Variants in JAZF1 observed in about 807,000 individuals in gnomAD.
JAZF1 encodes juxtaposed with another zinc finger protein 1.
A neutral mutation model predicts 26.4 loss-of-function variants in JAZF1; 8 were observed. The observed-to-expected ratio is 0.30, with a 90% CI of 0.18 to 0.55. The LOEUF (loss-of-function observed/expected upper bound fraction) is 0.55, where lower values mean the gene tolerates loss of function less well. JAZF1 is among the 20% of genes least tolerant of loss of function. The pLI is 0.94. For synonymous variants in JAZF1, 126 were observed against 122.3 expected (o/e 1.03, Z -0.20); for missense variants, 199 against 322.0 (o/e 0.62, Z 2.92).
intron 3 of JAZF1, among the ~76,000 whole-genome samples, chr7:27,868,344 G>A (rs1783516898): frequency 6.6e-6 from 1 of 152,232 alleles, no homozygotes; most frequent in African/African-American, 2.4e-5. Flanking sequence ...GCCTGCTCCT[G>A]CAGATGCCGT....
intron 3 of JAZF1, among the ~76,000 whole-genome samples, chr7:27,867,439 G>A (rs933664258): frequency 2.6e-5 from 4 of 152,106 alleles, no homozygotes; most frequent in Non-Finnish European, 5.9e-5. Context: ...TTCACACTTC[G>A]TCCCATGGGG....
intron 2 of JAZF1, among the ~76,000 whole-genome samples, chr7:27,931,173 C>T (rs1784683965): frequency 6.6e-6 from 1 of 152,176 alleles, no homozygotes; most frequent in African/African-American, 2.4e-5. Context: ...ATATTTTAGG[C>T]TTTGTGGGCC....
At chr7:28,106,432 A>T (rs1253609617) in intron 1 of JAZF1, among the ~76,000 whole-genome samples, 12 of 152,230 alleles carry the variant, frequency 7.9e-5, no homozygotes, top group Non-Finnish European at 1.3e-4. Flanking sequence ...TTCAATAAAT[A>T]GAACTCAAGT....
At chr7:27,906,376 C>G (rs1055356658) in intron 2 of JAZF1, among the ~76,000 whole-genome samples, 2 of 152,172 alleles carry the variant, frequency 1.3e-5, no homozygotes, top group African/African-American at 4.8e-5. Flanking sequence ...TTTTTTAAAC[C>G]AGTAGTATCT....
chr7:28,055,824 A>G lies in JAZF1; in HGVS notation c.116-63843T>C, dbSNP rs552941957. On this transcript the variant is annotated intron_variant, in intron 1 of 4. Coordinates refer to ENST00000283928, the MANE Select transcript of JAZF1 (RefSeq NM_175061.4). ...TAATACAGATCATTTCTATTCCTGAAAACACCAAAGCAATACGTATAATAT... is the reference window on the plus strand; with the variant it reads ...TAATACAGATCATTTCTATTCCTGAGAACACCAAAGCAATACGTATAATAT... Among the ~76,000 whole-genome samples, 15 of 152,270 alleles carry G rather than the reference A, an allele frequency of 9.9e-5. No homozygotes were observed. In the South Asian group the frequency reaches 3.1e-3, roughly 32 times the overall value.
chr7:27,957,530 C>T (rs1785118661), intron 2 of JAZF1, among the ~76,000 whole-genome samples: 1 of 152,154 alleles, frequency 6.6e-6, no homozygotes, highest in Admixed American at 6.5e-5. Context: ...TGAAAACAAA[C>T]TCAAAAGTAC....
chr7:28,140,081 AT>A (rs1422544851), intron 1 of JAZF1, among the ~76,000 whole-genome samples: 1 of 113,702 alleles, frequency 8.8e-6, no homozygotes, highest in Non-Finnish European at 1.7e-5. Context: ...AAAGTCACAA[AT>A]CTTTTTTTTT....
At chr7:27,890,508 TA>T (rs908698855) in intron 3 of JAZF1, among the ~76,000 whole-genome samples, 11 of 152,120 alleles carry the variant, frequency 7.2e-5, no homozygotes, top group African/African-American at 2.2e-4. Context: ...TAATAAAGTT[TA>T]AAAAAAGTAT....
chr7:27,874,717 AG>A (rs564180751), intron 3 of JAZF1, among the ~76,000 whole-genome samples: 10 of 152,174 alleles, frequency 6.6e-5, no homozygotes, highest in East Asian at 1.9e-4. Context: ...CCTTTAATCG[AG>A]ATCCTTATCT....
At chr7:27,997,743 CTT>C (rs904024087) in intron 1 of JAZF1, among the ~76,000 whole-genome samples, 7 of 145,438 alleles carry the variant, frequency 4.8e-5, no homozygotes, top group Non-Finnish European at 4.6e-5. Flanking sequence ...AATATTTCTA[CTT>C]TTTTTTTTTT....
At chr7:28,006,422 C>G (rs1026512907) in intron 1 of JAZF1, among the ~76,000 whole-genome samples, 2 of 152,054 alleles carry the variant, frequency 1.3e-5, no homozygotes, top group Admixed American at 1.3e-4. Flanking sequence ...CACTAGGTAC[C>G]ATTATTATTT....
intron 1 of JAZF1, among the ~76,000 whole-genome samples, chr7:28,072,879 A>G (rs966785894): frequency 6.6e-5 from 10 of 152,356 alleles, no homozygotes; most frequent in Admixed American, 1.3e-4. Context: ...CTCTGGATAC[A>G]TATTTTTTAA....
At chr7:28,092,868 A>AAAAG (rs1463175598) in intron 1 of JAZF1, among the ~76,000 whole-genome samples, 1 of 152,060 alleles carries the variant, frequency 6.6e-6, no homozygotes, top group Admixed American at 6.5e-5. Context: ...TTCGAAAAAA[A>AAAAG]AAAGAAAGAA....
intron 3 of JAZF1, among the ~76,000 whole-genome samples, chr7:27,889,932 C>CAAA (rs5883106): frequency 1.8e-4 from 26 of 145,032 alleles, no homozygotes; most frequent in Non-Finnish European, 3.2e-4. Context: ...GACTTTCTCT[C>CAAA]AAAAAAAAAA....
chr7:28,092,624 C>T (rs1784321427), intron 1 of JAZF1, among the ~76,000 whole-genome samples: 1 of 152,056 alleles, frequency 6.6e-6, no homozygotes, highest in South Asian at 2.1e-4. Flanking sequence ...AGGCAGAGTG[C>T]TTGAGCCCAG....
intron 1 of JAZF1, among the ~76,000 whole-genome samples, chr7:28,172,645 G>A (rs771674009): frequency 2.0e-5 from 3 of 152,120 alleles, no homozygotes; most frequent in Non-Finnish European, 2.9e-5. Flanking sequence ...TCTAACAAGT[G>A]AAAGAATTCT....
chr7:27,926,577 T>C (rs1387385973), intron 2 of JAZF1, among the ~76,000 whole-genome samples: 1 of 152,240 alleles, frequency 6.6e-6, no homozygotes, highest in Admixed American at 6.5e-5. Context: ...TTTTGTCATC[T>C]CTCATTCATT....
intron 3 of JAZF1, among the ~76,000 whole-genome samples, chr7:27,890,340 C>T (rs532863159): frequency 6.6e-6 from 1 of 152,230 alleles, no homozygotes; most frequent in South Asian, 2.1e-4. Flanking sequence ...GAAACCCTGG[C>T]TGAATGAAAC....
intron 1 of JAZF1, among the ~76,000 whole-genome samples, chr7:28,158,143 A>ACGCGCGCG (rs1341205525): frequency 1.3e-4 from 19 of 141,836 alleles, no homozygotes; most frequent in African/African-American, 4.9e-4. Context: ...CATTGAAAAC[A>ACGCGCGCG]CGCGCGCACA....
Sources: allele counts gnomAD v4.1 joint callset (sites outside exome capture counted in the v4.1 genomes callset), GRCh38; gene constraint gnomAD v4.1.1; transcripts MANE v1.5; gene names NCBI Gene and HGNC (gene_info 2026-07-23, HGNC 2026-07-21).